The following ADGRB3 variants were observed in gnomAD, a reference collection of about 807,000 sequenced individuals.
The protein encoded by ADGRB3 is adhesion G protein-coupled receptor B3.
In ADGRB3, 37 loss-of-function variants were observed where a neutral mutation model predicts 193.4. That is an observed-to-expected ratio of 0.19 (90% confidence interval 0.15 to 0.25). The LOEUF is 0.25. ADGRB3 is among the 10% of genes least tolerant of loss of function. ADGRB3 has a pLI of 1.00. For synonymous variants in ADGRB3, 690 were observed against 644.2 expected (o/e 1.07, Z -1.08); for missense variants, 1,637 against 1,852.9 (o/e 0.88, Z 2.14).
At chr6:69,350,468 G>A (rs1769198468) in intron 26 of ADGRB3, among the ~76,000 whole-genome samples, 1 of 151,936 alleles carries the variant, frequency 6.6e-6, no homozygotes. Context: ...AAAATTTGAA[G>A]TCTAGATTTT....
At chr6:69,128,924 T>G (rs999424090) in intron 17 of ADGRB3, among the ~76,000 whole-genome samples, 25 of 152,182 alleles carry the variant, frequency 1.6e-4, no homozygotes, top group African/African-American at 6.0e-4. Context: ...CTGAGACAAT[T>G]GGGTCTCATC....
At chr6:69,139,898 A>G (rs1162705138) in intron 17 of ADGRB3, among the ~76,000 whole-genome samples, 1 of 152,230 alleles carries the variant, frequency 6.6e-6, no homozygotes, top group Non-Finnish European at 1.5e-5. Flanking sequence ...TTTAGAAGTC[A>G]CCTTATCTAA....
intron 17 of ADGRB3, among the ~76,000 whole-genome samples, chr6:69,104,515 G>T (rs1773156308): frequency 6.6e-6 from 1 of 151,728 alleles, no homozygotes. Context: ...CTTAACTTCT[G>T]CTTGTGAAAT....
At chr6:69,355,297 G>A (rs889167854) in intron 27 of ADGRB3, among the ~76,000 whole-genome samples, 1 of 152,164 alleles carries the variant, frequency 6.6e-6, no homozygotes, top group African/African-American at 2.4e-5. Context: ...TCAGTTTTAA[G>A]TCCTAAACCT....
chr6:69,046,802 T>A (rs1293453084), intron 13 of ADGRB3, among the ~76,000 whole-genome samples: 1 of 152,232 alleles, frequency 6.6e-6, no homozygotes, highest in Non-Finnish European at 1.5e-5. Context: ...TTAATTTTCA[T>A]CCTCCTGATT....
rs1325994954 is a variant in ADGRB3 at position 69,048,258 on chromosome 6, A to G, written c.2181A>G (p.Gly727=). Residue 727 remains glycine (G), a synonymous_variant, in exon 14 of 32, where the codon GGA becomes GGG. Transcript: ENST00000370598. ...DINFPMKGRK[G]MVDWARNSED... ...ACTTTCCAATGAAAGGACGGAAGGG[A>G]ATGGTTGACTGGGCAAGAAACTCAG... 3 of 1,613,684 alleles carry G rather than the reference A, an allele frequency of 1.9e-6. No homozygotes were observed. Among genetic ancestry groups the G allele is most frequent in the Non-Finnish European group, 2.5e-6 (3 of 1,179,730 alleles).
chr6:69,286,800 C>T (rs1476107302), intron 20 of ADGRB3, among the ~76,000 whole-genome samples: 1 of 151,998 alleles, frequency 6.6e-6, no homozygotes. Context: ...ATTCCAACTG[C>T]TAAAAAAAAT....
intron 22 of ADGRB3, 23 bp from the exon 23 acceptor site, chr6:69,330,483 T>A: frequency 6.3e-7 from 1 of 1,591,972 alleles, no homozygotes; most frequent in Non-Finnish European, 8.6e-7. Context: ...TTTTTGTTAG[T>A]TCTTATCTAA....
intron 3 of ADGRB3, among the ~76,000 whole-genome samples, chr6:68,743,349 T>TG (rs201995292): frequency 0.03 from 4,182 of 140,222 alleles, 163 homozygotes; most frequent in African/African-American, 0.089. Flanking sequence ...TTGTTTTTTT[T>TG]TTTGTGTGTG....
chr6:69,037,675 CTCTT>C (rs1770913825), intron 13 of ADGRB3, among the ~76,000 whole-genome samples: 2 of 152,080 alleles, frequency 1.3e-5, no homozygotes, highest in African/African-American at 2.4e-5. Context: ...CTGCCTGTCT[CTCTT>C]TCTGTCTCTC....
At chr6:69,068,515 G>A (rs1239649921) in intron 16 of ADGRB3, among the ~76,000 whole-genome samples, 3 of 152,086 alleles carry the variant, frequency 2.0e-5, no homozygotes, top group African/African-American at 7.2e-5. Context: ...GCCATTATTG[G>A]AAATGATGTG....
chr6:68,847,780 G>T (rs1022445930), intron 3 of ADGRB3, among the ~76,000 whole-genome samples: 1 of 152,118 alleles, frequency 6.6e-6, no homozygotes, highest in Non-Finnish European at 1.5e-5. Flanking sequence ...GTTAAAAGAG[G>T]TGGGGTCGGG....
chr6:69,195,544 A>G (rs1000263262), intron 17 of ADGRB3, among the ~76,000 whole-genome samples: 3 of 148,784 alleles, frequency 2.0e-5, no homozygotes, highest in Non-Finnish European at 4.5e-5. Context: ...AAAAAAAAAA[A>G]GACACTGGAG....
At chr6:69,176,735 G>C (rs1775436832) in intron 17 of ADGRB3, among the ~76,000 whole-genome samples, 1 of 152,188 alleles carries the variant, frequency 6.6e-6, no homozygotes, top group African/African-American at 2.4e-5. Flanking sequence ...GTAGAATTCA[G>C]TGGTGAATCC....
chr6:68,748,281 C>T (rs1231724662), intron 3 of ADGRB3, among the ~76,000 whole-genome samples: 1 of 152,106 alleles, frequency 6.6e-6, no homozygotes, highest in African/African-American at 2.4e-5. Flanking sequence ...GTCCACAGTC[C>T]AAAGTCTCAT....
intron 21 of ADGRB3, among the ~76,000 whole-genome samples, chr6:69,326,287 T>A (rs1768566638): frequency 6.6e-6 from 1 of 152,186 alleles, no homozygotes; most frequent in African/African-American, 2.4e-5. Flanking sequence ...TAGAATTTCA[T>A]CAAATTTTTG....
chr6:69,228,564 A>C (rs964942353), intron 17 of ADGRB3, among the ~76,000 whole-genome samples: 5 of 152,204 alleles, frequency 3.3e-5, no homozygotes, highest in African/African-American at 1.2e-4. Flanking sequence ...TATGGTATGA[A>C]GAAACTGCTG....
At chr6:69,212,689 C>A (rs1765693290) in intron 17 of ADGRB3, among the ~76,000 whole-genome samples, 1 of 152,030 alleles carries the variant, frequency 6.6e-6, no homozygotes, top group African/African-American at 2.4e-5. Flanking sequence ...ATCTAAAATC[C>A]CATTGCAGAC....
At chr6:68,776,259 C>G (rs1766745113) in intron 3 of ADGRB3, among the ~76,000 whole-genome samples, 1 of 152,002 alleles carries the variant, frequency 6.6e-6, no homozygotes, top group Non-Finnish European at 1.5e-5. Flanking sequence ...CTAATAAGAG[C>G]CTTAGTTCAA....
Sources: gnomAD v4.1 joint callset for allele counts (sites outside exome capture counted in the v4.1 genomes callset) on GRCh38, gnomAD v4.1.1 for gene constraint, MANE v1.5 for transcripts, NCBI Gene and HGNC (gene_info 2026-07-23, HGNC 2026-07-21) for gene names.